Variants in PPP2R3B observed in about 807,000 individuals in gnomAD.
PPP2R3B encodes serine/threonine-protein phosphatase 2A regulatory subunit B'' subunit beta.
Under a neutral mutation model 72.9 loss-of-function variants are expected in PPP2R3B, and 68 were observed. The ratio of observed to expected loss-of-function variants is 0.93; its 90% CI spans 0.77 to 1.14. The LOEUF (loss-of-function observed/expected upper bound fraction) is 1.14. PPP2R3B is among the 50% of genes most tolerant of loss of function. The probability of loss-of-function intolerance (pLI) is 0.00; values close to 1 mark genes in which losing one functional copy is unlikely to be tolerated. For missense variants in PPP2R3B, 1,018 were observed against 842.0 expected (o/e 1.21, Z -2.59); for synonymous variants, 466 against 375.8 (o/e 1.24, Z -2.78).
intron 8 of PPP2R3B, 174 bp from the exon 9 acceptor site, chrX:341,570 C>T (rs1357412945): frequency 5.6e-6 from 4 of 716,812 alleles, no homozygotes; most frequent in South Asian, 1.7e-5. Context: ...GCCCCGTGGC[C>T]AGAGGGTTTT....
chrX:362,189 C>A, intron 1 of PPP2R3B: 1 of 159,746 alleles, frequency 6.3e-6, no homozygotes, highest in Non-Finnish European at 1.4e-5. Flanking sequence ...CGCCCACGGG[C>A]TCTTGGCCCC....
At chrX:364,152 C>G (rs180877465) in intron 1 of PPP2R3B, among the ~76,000 whole-genome samples, 6 of 152,216 alleles carry the variant, frequency 3.9e-5, no homozygotes, top group African/African-American at 1.4e-4. Context: ...GGAGGCAAAA[C>G]GCAGGGTCCT....
intron 12 of PPP2R3B, chrX:334,735 C>A: frequency 1.9e-6 from 1 of 518,494 alleles, no homozygotes. Context: ...AGGTGAAAAC[C>A]CACCCAGGAC....
chrX:368,745 G>C (rs766394044), intron 1 of PPP2R3B, among the ~76,000 whole-genome samples: 1 of 91,258 alleles, frequency 1.1e-5, no homozygotes, highest in African/African-American at 4.7e-5. Flanking sequence ...GGGCACCGAC[G>C]GGGGGAAGGC....
Position 346,747 on chromosome X carries a change from G to C in PPP2R3B, c.746C>G (p.Ser249Trp), listed in dbSNP as rs758431074. The C allele has an allele frequency of 2.5e-6, 4 of 1,610,502 alleles. No homozygotes were observed. The highest frequency in any genetic ancestry group is 3.4e-6 in the Non-Finnish European group (4 of 1,178,884). ...QDVVNTHPGL[S>W]FLKEASEFHS... ...GAACTCGGACGCCTCCTTCAGGAAC[G>C]ACAGCCCCGGGTGCGTGTTCACCAC... The change falls in exon 5 of 13, where the codon TCG (serine) becomes TGG (tryptophan). Residue 249 changes from serine to tryptophan, a missense_variant. Coordinates refer to ENST00000390665, the MANE Select transcript of PPP2R3B (RefSeq NM_013239.5).
At chrX:362,071 C>G (rs1240516856) in intron 1 of PPP2R3B, among the ~76,000 whole-genome samples, 15 of 152,142 alleles carry the variant, frequency 9.9e-5, no homozygotes, top group Admixed American at 2.0e-4. Context: ...GGAAGACTCA[C>G]ATTCTGAGAG....
rs1225608468 is a variant in PPP2R3B, at chrX:347,031, C to T, written c.717+203G>A. ...ACCCTCCCGTGAGCGATGAGGTGTGCGGTGTAGACGCGGACCCTCCCATGA... is the reference window on the plus strand; with the variant it reads ...ACCCTCCCGTGAGCGATGAGGTGTGTGGTGTAGACGCGGACCCTCCCATGA... On this transcript the variant is annotated intron_variant, in intron 4 of 12. Coordinates refer to ENST00000390665, the MANE Select transcript of PPP2R3B (RefSeq NM_013239.5). Among the ~76,000 whole-genome samples, 16 of 141,196 alleles carry T rather than the reference C, an allele frequency of 1.1e-4. No individual in the cohort carries two copies. In the East Asian group the frequency reaches 3.1e-3, roughly 28 times the overall value. 92.6% of individuals were successfully genotyped at this position (141,196 alleles called of 152,430 possible). A position where few individuals can be genotyped will look rare whatever the true frequency, so the allele number is the denominator to read the frequency against.
intron 1 of PPP2R3B, among the ~76,000 whole-genome samples, chrX:372,816 T>C (rs1267275558): frequency 6.6e-6 from 1 of 152,134 alleles, no homozygotes; most frequent in Non-Finnish European, 1.5e-5. Flanking sequence ...AAATTAGCCC[T>C]ACTCGGGAGG....
rs551579649 is a variant in PPP2R3B, at chrX:347,879, A to G, written c.511-186T>C. The G allele has an allele frequency of 2.3e-5, 13 of 570,994 alleles. No individual in the cohort carries two copies. In the South Asian group the frequency reaches 2.6e-4, roughly 11 times the overall value. 35.4% of individuals were successfully genotyped at this position (570,994 alleles called of 1,614,324 possible). ...CTTTCGCTCCAGCCTTCAATCAGTC[A>G]TGAGAGCTGAGCGTGGGAGTGCCGG... On this transcript the variant is annotated intron_variant, in intron 2 of 12. Transcript: ENST00000390665.
At chrX:355,484 C>G (rs2738393) in intron 2 of PPP2R3B, among the ~76,000 whole-genome samples, 43,419 of 151,924 alleles carry the variant, frequency 0.29, 6,663 homozygotes, top group East Asian at 0.38. Flanking sequence ...GAGGGACCGG[C>G]TCTAAAATTC....
At chrX:383,220 G>C (rs112376450) in intron 1 of PPP2R3B, among the ~76,000 whole-genome samples, 1,924 of 152,202 alleles carry the variant, frequency 0.013, 44 homozygotes, top group African/African-American at 0.044. Flanking sequence ...CGGTAATTTA[G>C]AACGCAAGGA....
chrX:385,436 C>G (rs888927366), intron 1 of PPP2R3B, among the ~76,000 whole-genome samples: 22 of 144,378 alleles, frequency 1.5e-4, no homozygotes, highest in African/African-American at 5.4e-4. Context: ...TCCCGGGTAG[C>G]TGAGATTACA....
chrX:358,960 C>T lies in PPP2R3B; in HGVS notation c.510+2445G>A, dbSNP rs1407527540. On this transcript the variant is annotated intron_variant, in intron 2 of 12. Transcript: ENST00000390665. ...GCGGCGGGGGTAGGGGAGGGCGGGG[C>T]GGCGCCCTGGCGGGGAAGCACCGCG... is the stretch of plus-strand genomic sequence containing the variant. 7.8e-5 allele frequency among the ~76,000 whole-genome samples: 5 copies of T among 63,850 alleles called. No homozygotes were observed. In the East Asian group the frequency reaches 1.3e-3, roughly 16 times the overall value. The allele number at this position is 63,850 out of a possible 152,430, so 41.9% of individuals were successfully genotyped here. A position where few individuals can be genotyped will look rare whatever the true frequency, so the allele number is the denominator to read the frequency against.
intron 1 of PPP2R3B, among the ~76,000 whole-genome samples, chrX:363,308 A>T (rs1404726468): frequency 8.8e-3 from 35 of 3,980 alleles, no homozygotes; most frequent in East Asian, 0.012. Flanking sequence ...CATCTCCCCG[A>T]GCCCACCATC....
intron 2 of PPP2R3B, among the ~76,000 whole-genome samples, chrX:359,195 G>C (rs1445738045): frequency 2.0e-5 from 3 of 152,238 alleles, no homozygotes; most frequent in African/African-American, 7.2e-5. Context: ...TCCACACAAC[G>C]GAGGCTGTAC....
chrX:346,260 C>T lies in PPP2R3B; in HGVS notation c.793G>A (p.Val265Ile). 2 of 1,564,384 alleles carry T rather than the reference C, an allele frequency of 1.3e-6. No homozygotes were observed. The highest frequency in any genetic ancestry group is 1.2e-5 in the South Asian group (1 of 85,076). Reference sequence around the variant, plus strand: ...ACGGCGTAGAAGATCCGCTGGATGACCTGCGGGGGCGCTGTCAGTGCGGTG... The same window carrying T: ...ACGGCGTAGAAGATCCGCTGGATGATCTGCGGGGGCGCTGTCAGTGCGGTG... The part of the protein sequence containing the change: ...SEFHSRYITT[V>I]IQRIFYAVNR... Residue 265 changes from valine (V) to isoleucine (I), a missense_variant and splice_region_variant, in exon 6 of 13, where the codon GTC becomes ATC. Transcript: ENST00000390665.
rs1441980551 is a variant in PPP2R3B at position 344,143 on chromosome X, C to G, written c.1036+1373G>C. Among the ~76,000 whole-genome samples, 201 of 99,438 alleles carry G rather than the reference C, an allele frequency of 2.0e-3. 44 individuals carry two copies. The highest frequency in any genetic ancestry group is 3.7e-3 in the South Asian group (9 of 2,422). The allele number at this position is 99,438 out of a possible 152,430, so 65.2% of individuals were successfully genotyped here. On this transcript the variant is annotated intron_variant, in intron 7 of 12. Coordinates refer to ENST00000390665, the MANE Select transcript of PPP2R3B (RefSeq NM_013239.5). ...CACCAACGGGAGGCGGGAGGGAGAC[C>G]TCAGCAACGGGAGGCGGGAGGGAGA...
intron 1 of PPP2R3B, among the ~76,000 whole-genome samples, chrX:363,817 C>G (rs779758166): frequency 3.9e-5 from 6 of 152,362 alleles, no homozygotes; most frequent in African/African-American, 9.6e-5. Context: ...GTTCACACAG[C>G]TCTGCTATTT....
At chrX:346,633 C>A in intron 5 of PPP2R3B, 68 bp downstream of exon 5, 1 of 1,459,944 alleles carries the variant, frequency 6.8e-7, no homozygotes. Flanking sequence ...GCAGAAGCCC[C>A]GCGGCGGCCG....
Sources: allele counts gnomAD v4.1 joint callset (sites outside exome capture counted in the v4.1 genomes callset), GRCh38; gene constraint gnomAD v4.1.1; transcripts MANE v1.5; gene names NCBI Gene and HGNC (gene_info 2026-07-23, HGNC 2026-07-21).